The following TBC1D5 variants were observed in gnomAD, a reference collection of about 807,000 sequenced individuals.
TBC1D5 encodes TBC1 domain family member 5.
A neutral mutation model predicts 100.3 loss-of-function variants in TBC1D5; 75 were observed. The ratio of observed to expected loss-of-function variants is 0.75; its 90% CI spans 0.62 to 0.91. The LOEUF (loss-of-function observed/expected upper bound fraction) is 0.91. Among genes scored for constraint, TBC1D5 ranks in the 40% least tolerant of loss-of-function variants. The pLI, the probability that TBC1D5 is intolerant of heterozygous loss-of-function variation, is 0.00. For synonymous variants in TBC1D5, 323 were observed against 325.6 expected, an observed-to-expected ratio of 0.99 and a Z score of 0.09; for missense variants, 910 against 942.4, an observed-to-expected ratio of 0.97 and a Z score of 0.45.
chr3:17,213,733 CAAAAAAA>C lies in TBC1D5; in HGVS notation c.1752+467_1752+473del, dbSNP rs71632897. Among the ~76,000 whole-genome samples the C allele has an allele frequency of 1.7e-3, 106 of 61,064 alleles. 3 individuals carry two copies. The East Asian group carries it at 0.043, about 25-fold the overall frequency. The allele number at this position is 61,064 out of a possible 152,430, so 40.1% of individuals were successfully genotyped here. ...GTGAGCCAAGATTAAGACTCTGTCT[CAAAAAAA>C]AAAAAAAAAAAAAAAAAAAGAATTT... is the stretch of plus-strand genomic sequence containing the variant. On this transcript the variant is annotated intron_variant, in intron 18 of 21. Transcript: ENST00000253692.
intron 19 of TBC1D5, among the ~76,000 whole-genome samples, chr3:17,183,796 T>C (rs553840471): frequency 6.6e-6 from 1 of 152,358 alleles, no homozygotes; most frequent in South Asian, 2.1e-4. Flanking sequence ...CAGCCGTTGT[T>C]ACTTGTAATG....
intron 2 of TBC1D5, among the ~76,000 whole-genome samples, chr3:17,519,577 C>A (rs2096038568): frequency 6.6e-6 from 1 of 152,172 alleles, no homozygotes; most frequent in Non-Finnish European, 1.5e-5. Context: ...CGACTAACTT[C>A]TATTGTGAGG....
At chr3:17,353,343 T>A (rs983873327) in intron 13 of TBC1D5, among the ~76,000 whole-genome samples, 2 of 152,080 alleles carry the variant, frequency 1.3e-5, no homozygotes, top group Non-Finnish European at 2.9e-5. Context: ...AGCAAGAGTA[T>A]AAGGTCCATA....
intron 9 of TBC1D5, among the ~76,000 whole-genome samples, chr3:17,378,337 G>T (rs2092792440): frequency 6.6e-6 from 1 of 151,738 alleles, no homozygotes; most frequent in South Asian, 2.1e-4. Flanking sequence ...TCTCCAGAAA[G>T]AATTCCCTCA....
chr3:17,623,255 G>A (rs570212856), intron 2 of TBC1D5, among the ~76,000 whole-genome samples: 3 of 152,142 alleles, frequency 2.0e-5, no homozygotes, highest in Admixed American at 6.6e-5. Context: ...TATCTAGGAC[G>A]CTCTCAGGTA....
In TBC1D5 at chr3:17,297,777, C is replaced by T. The variant is rs893157467; in HGVS notation, c.1139-5776G>A. Among the ~76,000 whole-genome samples, 3 of 147,476 alleles carry T rather than the reference C, an allele frequency of 2.0e-5. No homozygotes were observed. In the Admixed American group the frequency reaches 2.0e-4, roughly 10 times the overall value. Reference sequence around the variant, plus strand: ...CTTTTTTTTTTTTTTTTAATTGAGACGGGGGTCCCACTACGTTGCCCAGGC... The same window carrying T: ...CTTTTTTTTTTTTTTTTAATTGAGATGGGGGTCCCACTACGTTGCCCAGGC... On this transcript the variant is annotated intron_variant, in intron 14 of 21. Coordinates refer to ENST00000253692, the Ensembl canonical transcript of TBC1D5.
chr3:17,553,582 T>G (rs2096491368), intron 2 of TBC1D5, among the ~76,000 whole-genome samples: 1 of 152,198 alleles, frequency 6.6e-6, no homozygotes, highest in Non-Finnish European at 1.5e-5. Flanking sequence ...TATCCTAACT[T>G]TGACACAAAG....
exon 22 of TBC1D5, chr3:17,160,871 T>TG: frequency 6.9e-7 from 1 of 1,448,420 alleles, no homozygotes. Flanking sequence ...AAGCAGTGGT[T>TG]TAAGAAGGTT....
intron 3 of TBC1D5, among the ~76,000 whole-genome samples, chr3:17,458,545 A>G (rs1032352468): frequency 1.3e-5 from 2 of 152,086 alleles, no homozygotes; most frequent in Admixed American, 6.6e-5. Flanking sequence ...GCTTCTATCA[A>G]TGTAACGATC....
intron 15 of TBC1D5, among the ~76,000 whole-genome samples, chr3:17,288,157 T>G (rs1300309984): frequency 6.6e-6 from 1 of 152,182 alleles, no homozygotes; most frequent in African/African-American, 2.4e-5. Context: ...CTTTCCCTCT[T>G]TTTTTCCCCC....
chr3:17,288,805 A>G (rs747554643), intron 15 of TBC1D5, among the ~76,000 whole-genome samples: 52 of 152,286 alleles, frequency 3.4e-4, no homozygotes, highest in Non-Finnish European at 4.3e-4. Context: ...AGAAGTAGGG[A>G]TCCACTGAAC....
intron 2 of TBC1D5, among the ~76,000 whole-genome samples, chr3:17,513,143 C>A (rs774030090): frequency 2.0e-5 from 3 of 151,988 alleles, no homozygotes; most frequent in Non-Finnish European, 2.9e-5. Context: ...ACCACCCCGG[C>A]CAATATGGTG....
chr3:17,494,780 G>C (rs1340740827), intron 3 of TBC1D5, among the ~76,000 whole-genome samples: 1 of 152,198 alleles, frequency 6.6e-6, no homozygotes, highest in Non-Finnish European at 1.5e-5. Flanking sequence ...ATGGCAAGCT[G>C]CCCCTCCCTC....
chr3:17,496,585 G>C (rs1008911413), intron 3 of TBC1D5, among the ~76,000 whole-genome samples: 1 of 152,060 alleles, frequency 6.6e-6, no homozygotes, highest in African/African-American at 2.4e-5. Flanking sequence ...TAGAGAAATA[G>C]AAAAATTTAG....
At chr3:17,603,600 A>T (rs1373566107) in intron 2 of TBC1D5, among the ~76,000 whole-genome samples, 1 of 152,154 alleles carries the variant, frequency 6.6e-6, no homozygotes, top group Non-Finnish European at 1.5e-5. Context: ...ATCGAGAAAC[A>T]ACCATAAAAA....
chr3:17,328,635 C>T (rs1208723744), intron 13 of TBC1D5, among the ~76,000 whole-genome samples: 2 of 152,124 alleles, frequency 1.3e-5, no homozygotes, highest in East Asian at 3.9e-4. Context: ...TTGCTAGCTT[C>T]TATTATTTTT....
At chr3:17,573,198 C>T (rs930847746) in intron 2 of TBC1D5, among the ~76,000 whole-genome samples, 2 of 151,996 alleles carry the variant, frequency 1.3e-5, no homozygotes, top group Admixed American at 6.6e-5. Context: ...CAACCTCTCC[C>T]GCAGGTCAAA....
intron 1 of TBC1D5, among the ~76,000 whole-genome samples, chr3:17,739,152 A>G (rs1379731443): frequency 6.6e-6 from 1 of 152,048 alleles, no homozygotes; most frequent in Non-Finnish European, 1.5e-5. Context: ...TCTGGTACAC[A>G]CACTGTACAC....
In TBC1D5 at chr3:17,318,638, A is replaced by T. The variant is rs116658059; in HGVS notation, c.996-10504T>A. Among the ~76,000 whole-genome samples, 147 of 152,340 alleles carry T rather than the reference A, an allele frequency of 9.6e-4. 1 individual carries two copies. Among genetic ancestry groups the T allele is most frequent in the African/African-American group, 3.3e-3 (137 of 41,570 alleles). On this transcript the variant is annotated intron_variant, in intron 13 of 21. Coordinates refer to ENST00000253692, the Ensembl canonical transcript of TBC1D5. ...GCAACCTGAGGTCACATTTCATCCA[A>T]AGACAGATTATACAATATTATAACA...
Sources: gnomAD v4.1 joint callset for allele counts (sites outside exome capture counted in the v4.1 genomes callset) on GRCh38, gnomAD v4.1.1 for gene constraint, MANE v1.5 for transcripts, NCBI Gene and HGNC (gene_info 2026-07-23, HGNC 2026-07-21) for gene names.